The following MAGT1 variants were observed in gnomAD, a reference collection of about 807,000 sequenced individuals.
MAGT1 encodes magnesium transporter 1.
A neutral mutation model predicts 28.4 loss-of-function variants in MAGT1; 4 were observed. That is an observed-to-expected ratio of 0.14 (90% CI 0.07 to 0.32). The LOEUF is 0.32. MAGT1 is among the 10% of genes least tolerant of loss of function. MAGT1 has a pLI of 1.00. For synonymous variants in MAGT1, 89 were observed against 89.7 expected (o/e 0.99, Z 0.04); for missense variants, 193 against 264.5 (o/e 0.73, Z 1.88).
chrX:77,846,151 T>C lies in MAGT1; in HGVS notation c.827-4831A>G, dbSNP rs782333897. On this transcript the variant is annotated intron_variant, in intron 7 of 9. Coordinates refer to ENST00000618282, the MANE Select transcript of MAGT1 (RefSeq NM_001367916.1). Reference sequence around the variant, plus strand: ...TCGTTTCTTTTTATTCTTTTTTCTCTAAACTTCTCTTCTTGCTTCATTTCA... The same window carrying C: ...TCGTTTCTTTTTATTCTTTTTTCTCCAAACTTCTCTTCTTGCTTCATTTCA... Among the ~76,000 whole-genome samples, 9 of 111,677 alleles carry C rather than the reference T, an allele frequency of 8.1e-5. 1 individual carries two copies. Among genetic ancestry groups the C allele is most frequent in the Admixed American group, 7.7e-4 (8 of 10,370 alleles).
intron 2 of MAGT1, among the ~76,000 whole-genome samples, chrX:77,871,447 C>T (rs903019910): frequency 8.9e-6 from 1 of 112,409 alleles, no homozygotes; most frequent in Non-Finnish European, 1.9e-5. Context: ...CCAGCTCATA[C>T]CTGTAATCCC....
Position 77,855,525 on chromosome X carries a change from A to G in MAGT1, c.738T>C (p.His246=). 8.3e-7 allele frequency: 1 copy of G among 1,207,166 alleles called. No homozygotes were observed. Among genetic ancestry groups the G allele is most frequent in the South Asian group, 1.8e-5 (1 of 56,865 alleles). The change falls in exon 6 of 10, where the codon CAT becomes CAC. Residue 246 remains histidine (H), a synonymous_variant. Coordinates refer to ENST00000618282, the MANE Select transcript of MAGT1 (RefSeq NM_001367916.1). ...CCACATGTCCCGTGTGGGGATTCTT[A>G]TGGGCATATGGTGGTCCTCTTATAT... ...WNHIRGPPYA[H]KNPHTGHVNY... is the part of the protein sequence containing the mutation.
intron 1 of MAGT1, among the ~76,000 whole-genome samples, chrX:77,881,202 A>C (rs782019365): frequency 9.0e-6 from 1 of 111,064 alleles, no homozygotes; most frequent in African/African-American, 3.3e-5. Context: ...ATGGGTTCAC[A>C]TTTTAAAATA....
chrX:77,856,940 A>G lies in MAGT1; in HGVS notation c.532-67T>C. 1.1e-5 allele frequency: 11 copies of G among 971,826 alleles called. No individual in the cohort carries two copies. The South Asian group carries it at 2.3e-4, about 20-fold the overall frequency. 80.1% of individuals were successfully genotyped at this position (971,826 alleles called of 1,213,427 possible). A position where few individuals can be genotyped will look rare whatever the true frequency, so the allele number is the denominator to read the frequency against. ...TTTTACTAATTATATGGGTCAAAAT[A>G]AAATCTGAAATGAAAGCAATCAAAA... On this transcript the variant is annotated intron_variant, in intron 4 of 9. Coordinates refer to ENST00000618282, the MANE Select transcript of MAGT1 (RefSeq NM_001367916.1).
rs1418142421 is a variant in MAGT1 at position 77,853,916 on chromosome X, T to C, written c.811A>G (p.Ile271Val). Residue 271 changes from isoleucine to valine, a missense_variant, in exon 7 of 10, where the codon ATT becomes GTT. By Grantham distance (29) the Ile-to-Val change is conservative. Transcript: ENST00000618282. Reference protein sequence around the residue: ...SQAQFVAETHIVLLFNGGVTL... With the variant: ...SQAQFVAETHVVLLFNGGVTL... Reference sequence around the variant, plus strand: ...AAAAGGATACTAAACAGAAGAACAATGTGTGTTTCAGCTACAAACTGGGCT... The same window carrying C: ...AAAAGGATACTAAACAGAAGAACAACGTGTGTTTCAGCTACAAACTGGGCT... The C allele has an allele frequency of 2.5e-6, 3 of 1,203,502 alleles. No individual in the cohort carries two copies. The African/African-American group carries it at 5.3e-5, about 21-fold the overall frequency.
At chrX:77,836,151 A>G (rs1413129657) in intron 8 of MAGT1, among the ~76,000 whole-genome samples, 1 of 110,982 alleles carries the variant, frequency 9.0e-6, no homozygotes, top group Non-Finnish European at 1.9e-5. Flanking sequence ...AAAAAATCAT[A>G]TGTTCTCACT....
intron 1 of MAGT1, among the ~76,000 whole-genome samples, chrX:77,876,164 A>ATATATT (rs1557217807): frequency 4.0e-5 from 1 of 24,969 alleles, no homozygotes; most frequent in African/African-American, 1.5e-4. Flanking sequence ...ATATATATAT[A>ATATATT]TTTTTTTTTT....
chrX:77,831,226 C>A (rs1327707663), intron 8 of MAGT1, among the ~76,000 whole-genome samples: 1 of 110,228 alleles, frequency 9.1e-6, no homozygotes, highest in African/African-American at 3.3e-5. Context: ...ACCTTGTTGG[C>A]CAGGATGGTC....
chrX:77,872,073 C>T (rs1182820850), intron 2 of MAGT1, among the ~76,000 whole-genome samples: 3 of 109,064 alleles, frequency 2.8e-5, no homozygotes, highest in African/African-American at 1.0e-4. Context: ...GAGACAGTCT[C>T]GCTCTGTGGC....
chrX:77,858,657 G>C (rs1426507416), intron 3 of MAGT1, among the ~76,000 whole-genome samples: 1 of 111,314 alleles, frequency 9.0e-6, no homozygotes, highest in Non-Finnish European at 1.9e-5. Context: ...TGTATAATGT[G>C]GTAAATTAAT....
rs1402025868 is a variant in MAGT1 at position 77,856,099 on chromosome X, C to T, written c.673-509G>A. 2.7e-5 allele frequency among the ~76,000 whole-genome samples: 3 copies of T among 111,226 alleles called. No homozygotes were observed. The East Asian group carries it at 8.4e-4, about 31-fold the overall frequency. ...ACACTATTTAAAAATTATAACTATG[C>T]AGACACAAGTTTCAAAATTGAATAC... On this transcript the variant is annotated intron_variant, in intron 5 of 9. Transcript: ENST00000618282.
At chrX:77,845,577 G>A (rs898325602) in intron 7 of MAGT1, among the ~76,000 whole-genome samples, 26 of 111,720 alleles carry the variant, frequency 2.3e-4, no homozygotes, top group African/African-American at 2.9e-4. Context: ...GGCTGGTGCC[G>A]GTTGTTCCTT....
In MAGT1 at chrX:77,845,870, T is replaced by C. The variant is rs782556426; in HGVS notation, c.827-4550A>G. Among the ~76,000 whole-genome samples the C allele has an allele frequency of 1.4e-4, 16 of 111,640 alleles. No individual in the cohort carries two copies. In the East Asian group the frequency reaches 3.4e-3, roughly 23 times the overall value. On this transcript the variant is annotated intron_variant, in intron 7 of 9. Transcript: ENST00000618282. ...CCTTTCTCTCTGGCTGCCCTTAACA[T>C]TTTTTCCTTCATTTCAACTTTGGTG...
intron 8 of MAGT1, among the ~76,000 whole-genome samples, chrX:77,837,836 G>C (rs1351767373): frequency 9.0e-6 from 1 of 111,349 alleles, no homozygotes; most frequent in Non-Finnish European, 1.9e-5. Context: ...TCCGCCTCCT[G>C]GGTTCAAGTG....
At chrX:77,857,723 G>T (rs782710569) in intron 3 of MAGT1, among the ~76,000 whole-genome samples, 170 of 111,202 alleles carry the variant, frequency 1.5e-3, no homozygotes, top group African/African-American at 5.1e-3. Context: ...CACATTCCTC[G>T]CTAAGAAACC....
rs143464426 is a variant in MAGT1, at chrX:77,844,866, A to C, written c.827-3546T>G. On this transcript the variant is annotated intron_variant, in intron 7 of 9. Coordinates refer to ENST00000618282, the MANE Select transcript of MAGT1 (RefSeq NM_001367916.1). ...GCTGAGGAGTGCTTTACTTCCAACT[A>C]TGTGGTCAATTTTGGAATAGGTGTT... Among the ~76,000 whole-genome samples, 833 of 111,581 alleles carry C rather than the reference A, an allele frequency of 7.5e-3. 4 individuals carry two copies. Among genetic ancestry groups the C allele is most frequent in the Non-Finnish European group, 0.012 (632 of 53,175 alleles).
intron 1 of MAGT1, among the ~76,000 whole-genome samples, chrX:77,876,164 A>ATATATATATAT (rs1557217807): frequency 1.6e-4 from 4 of 24,967 alleles, no homozygotes; most frequent in African/African-American, 5.9e-4. Context: ...ATATATATAT[A>ATATATATATAT]TTTTTTTTTT....
At chrX:77,846,693 G>T (rs1458723096) in intron 7 of MAGT1, among the ~76,000 whole-genome samples, 2 of 112,109 alleles carry the variant, frequency 1.8e-5, no homozygotes, top group Non-Finnish European at 3.8e-5. Context: ...TTTGCTGGAG[G>T]TTCCCTCCAG....
At position 77,856,983 on chromosome X, in the gene MAGT1, G is replaced by A. The variant is rs1472658248; in HGVS notation, c.532-110C>T. 11 of 708,309 alleles carry A rather than the reference G, an allele frequency of 1.6e-5. No individual in the cohort carries two copies. In the African/African-American group the frequency reaches 2.0e-4, roughly 13 times the overall value. The allele number at this position is 708,309 out of a possible 1,213,427, so 58.4% of individuals were successfully genotyped here. On this transcript the variant is annotated intron_variant, in intron 4 of 9. Transcript: ENST00000618282. Reference sequence around the variant, plus strand: ...AATCAAAATTATTGTGGTTACTTTCGGAAAAATGATCCTTTTTATGTTATC... The same window carrying A: ...AATCAAAATTATTGTGGTTACTTTCAGAAAAATGATCCTTTTTATGTTATC...
Sources: allele counts gnomAD v4.1 joint callset (sites outside exome capture counted in the v4.1 genomes callset), GRCh38; gene constraint gnomAD v4.1.1; transcripts MANE v1.5; gene names NCBI Gene and HGNC (gene_info 2026-07-23, HGNC 2026-07-21).